The following DLGAP4 variants were observed in gnomAD, a reference collection of about 807,000 sequenced individuals.
DLGAP4 encodes disks large-associated protein 4.
Under a neutral mutation model 86.9 loss-of-function variants are expected in DLGAP4, and 18 were observed. The observed-to-expected ratio is 0.21, with a 90% confidence interval of 0.14 to 0.31. The LOEUF (loss-of-function observed/expected upper bound fraction) is 0.31. Ranked by LOEUF, DLGAP4 falls within the 10% of genes least tolerant of loss-of-function variation. The pLI, the probability that DLGAP4 is intolerant of heterozygous loss-of-function variation, is 1.00. For missense variants in DLGAP4, 1,085 were observed against 1,362.6 expected, an observed-to-expected ratio of 0.80 and a Z score of 3.21; for synonymous variants, 548 against 574.3, an observed-to-expected ratio of 0.95 and a Z score of 0.65.
rs138661071 is a variant in DLGAP4, at chr20:36,471,102, G to A, written c.1648+24165G>A. 4.5e-3 allele frequency among the ~76,000 whole-genome samples: 683 copies of A among 152,080 alleles called. 8 individuals carry two copies. Among genetic ancestry groups the A allele is most frequent in the African/African-American group, 0.014 (581 of 41,448 alleles). ...ATGTATATATTTTAAAAGGCACCCC[G>A]CCTTCACCCCCAGATTCAAATTTGT... On this transcript the variant is annotated intron_variant, in intron 7 of 12. Transcript: ENST00000339266.
At chr20:36,396,854 A>G (rs546482946) in intron 2 of DLGAP4, among the ~76,000 whole-genome samples, 1 of 152,294 alleles carries the variant, frequency 6.6e-6, no homozygotes, top group South Asian at 2.1e-4. Flanking sequence ...ATGATTCAGA[A>G]GAGGGAGAGT....
chr20:36,506,810 C>T (rs553621454), intron 10 of DLGAP4, among the ~76,000 whole-genome samples: 5 of 152,292 alleles, frequency 3.3e-5, no homozygotes, highest in African/African-American at 9.6e-5. Flanking sequence ...ACCCATTAAA[C>T]ACTAACTCCC....
At chr20:36,507,288 T>C (rs1443726752) in intron 10 of DLGAP4, among the ~76,000 whole-genome samples, 1 of 152,078 alleles carries the variant, frequency 6.6e-6, no homozygotes, top group African/African-American at 2.4e-5. Flanking sequence ...AGTGCAGTGG[T>C]ACAATTTCGG....
At chr20:36,344,021 G>A (rs951060749) in intron 1 of DLGAP4, among the ~76,000 whole-genome samples, 2 of 152,156 alleles carry the variant, frequency 1.3e-5, no homozygotes, top group South Asian at 4.2e-4. Context: ...ACCTTGCCAG[G>A]GGAGCCTAGC....
intron 1 of DLGAP4, among the ~76,000 whole-genome samples, chr20:36,312,863 C>G (rs2065065143): frequency 6.6e-6 from 1 of 152,060 alleles, no homozygotes; most frequent in African/African-American, 2.4e-5. Context: ...TTGCAGCTGC[C>G]AGGACATGGG....
At chr20:36,506,181 A>G (rs1048108365) in intron 10 of DLGAP4, among the ~76,000 whole-genome samples, 1 of 152,152 alleles carries the variant, frequency 6.6e-6, no homozygotes, top group Non-Finnish European at 1.5e-5. Context: ...GCACAGATTG[A>G]GACAGTAAGC....
intron 1 of DLGAP4, among the ~76,000 whole-genome samples, chr20:36,324,897 A>G (rs936283164): frequency 6.6e-6 from 1 of 152,038 alleles, no homozygotes; most frequent in African/African-American, 2.4e-5. Context: ...GATCTTTTTG[A>G]AGGACAGCTT....
intron 11 of DLGAP4, 167 bp from the exon 12 acceptor site, chr20:36,525,684 C>G (rs553144854): frequency 4.7e-5 from 42 of 892,330 alleles, no homozygotes; most frequent in South Asian, 4.6e-4. Context: ...CTGGTGCTGA[C>G]CAGAACTGGC....
chr20:36,457,757 C>T (rs773849389), intron 7 of DLGAP4, among the ~76,000 whole-genome samples: 22 of 151,618 alleles, frequency 1.5e-4, no homozygotes, highest in Non-Finnish European at 2.9e-4. Context: ...CCTCATGATC[C>T]GCACACCTTG....
intron 2 of DLGAP4, among the ~76,000 whole-genome samples, chr20:36,411,107 C>T (rs962026248): frequency 6.6e-6 from 1 of 152,232 alleles, no homozygotes; most frequent in Non-Finnish European, 1.5e-5. Flanking sequence ...TCTCCTGCCT[C>T]ATCCTCCAAG....
chr20:36,417,309 A>G (rs537573710), intron 2 of DLGAP4, among the ~76,000 whole-genome samples: 1 of 152,316 alleles, frequency 6.6e-6, no homozygotes, highest in East Asian at 1.9e-4. Context: ...CTGGGGAAGT[A>G]ACTAAGGAGG....
chr20:36,461,606 GC>G, intron 7 of DLGAP4: 1 of 950,716 alleles, frequency 1.1e-6, no homozygotes, highest in Non-Finnish European at 1.2e-6. Flanking sequence ...GACGCCCGGG[GC>G]CCGCCCAGCG....
At chr20:36,339,583 G>A (rs1488452244) in intron 1 of DLGAP4, among the ~76,000 whole-genome samples, 1 of 152,204 alleles carries the variant, frequency 6.6e-6, no homozygotes, top group Non-Finnish European at 1.5e-5. Flanking sequence ...ACTGAGTTTT[G>A]CTCCAACTCC....
chr20:36,336,223 A>C (rs148172423), intron 1 of DLGAP4, among the ~76,000 whole-genome samples: 2 of 152,198 alleles, frequency 1.3e-5, no homozygotes, highest in Non-Finnish European at 2.9e-5. Flanking sequence ...ACAGAGCTGA[A>C]GTTTCTGGCC....
intron 10 of DLGAP4, among the ~76,000 whole-genome samples, chr20:36,517,141 G>C (rs1694171540): frequency 1.3e-5 from 2 of 151,556 alleles, no homozygotes; most frequent in Admixed American, 1.3e-4. Flanking sequence ...CACTTTCGGA[G>C]GCCGAGGTGG....
In DLGAP4 at chr20:36,306,999, C is replaced by G. The variant is rs1198089058; in HGVS notation, c.-304+487C>G. Among the ~76,000 whole-genome samples the G allele has an allele frequency of 2.0e-5, 3 of 152,136 alleles. No individual in the cohort carries two copies. Among genetic ancestry groups the G allele is most frequent in the Non-Finnish European group, 2.9e-5 (2 of 67,986 alleles). Reference sequence around the variant, plus strand: ...GCAGGGCTATGCCGGCCCGGGCATTCCTCCATTCAACCCAGCTGCCTCGGA... The same window carrying G: ...GCAGGGCTATGCCGGCCCGGGCATTGCTCCATTCAACCCAGCTGCCTCGGA... On this transcript the variant is annotated intron_variant, in intron 1 of 12. Coordinates refer to ENST00000339266, the MANE Select transcript of DLGAP4 (RefSeq NM_001365621.2). The surrounding 1 kb of genome is among the most constrained non-coding windows in gnomAD (Gnocchi z 4.9).
At chr20:36,329,054 G>A (rs1177422415) in intron 1 of DLGAP4, among the ~76,000 whole-genome samples, 3 of 152,178 alleles carry the variant, frequency 2.0e-5, no homozygotes, top group Non-Finnish European at 4.4e-5. Flanking sequence ...GATTACAGGT[G>A]TGAGCCATCG....
intron 2 of DLGAP4, among the ~76,000 whole-genome samples, chr20:36,423,542 C>T (rs552880978): frequency 6.6e-6 from 1 of 150,840 alleles, no homozygotes; most frequent in Non-Finnish European, 1.5e-5. Context: ...GTGCAGCATT[C>T]CTCACCTGGA....
At position 36,527,104 on chromosome 20, in the gene DLGAP4, T is replaced by C; in HGVS notation, c.*73T>C. Reference sequence around the variant, plus strand: ...AACTAAGTGCGAACGGAACAGAGTTTTCTCAACCTTTGCTATGGTTATTCT... The same window carrying C: ...AACTAAGTGCGAACGGAACAGAGTTCTCTCAACCTTTGCTATGGTTATTCT... On this transcript the variant is annotated 3_prime_UTR_variant, in exon 13 of 13. Transcript: ENST00000339266. 1.4e-6 allele frequency: 2 copies of C among 1,419,822 alleles called. No homozygotes were observed. Among genetic ancestry groups the C allele is most frequent in the Non-Finnish European group, 1.9e-6 (2 of 1,057,044 alleles). 88.0% of individuals were successfully genotyped at this position (1,419,822 alleles called of 1,614,324 possible).
Sources: gnomAD v4.1 joint callset for allele counts (sites outside exome capture counted in the v4.1 genomes callset) on GRCh38, gnomAD v4.1.1 for gene constraint, Gnocchi (gnomAD v3.1) non-coding constraint, MANE v1.5 for transcripts, NCBI Gene and HGNC (gene_info 2026-07-23, HGNC 2026-07-21) for gene names.